The following ERCC6 variants were observed in gnomAD, a reference collection of about 807,000 sequenced individuals.
ERCC6 encodes ERCC excision repair 6, chromatin remodeling factor.
In ERCC6, 116 loss-of-function variants were observed where a neutral mutation model predicts 158.7. The observed-to-expected ratio is 0.73, with a 90% CI of 0.63 to 0.85. The LOEUF (loss-of-function observed/expected upper bound fraction) is 0.85. ERCC6 is among the 40% of genes least tolerant of loss of function. The pLI, the probability that ERCC6 is intolerant of heterozygous loss-of-function variation, is 0.00. For missense variants in ERCC6, 1,698 were observed against 1,799.4 expected (o/e 0.94, Z 1.02); for synonymous variants, 678 against 659.3 (o/e 1.03, Z -0.43).
In ERCC6 at chr10:49,455,068, A is replaced by G. The variant is rs556162071; in HGVS notation, c.*3747T>C. On this transcript the variant is annotated 3_prime_UTR_variant, in exon 21 of 21. Coordinates refer to ENST00000355832, the MANE Select transcript of ERCC6 (RefSeq NM_000124.4). Reference sequence around the variant, plus strand: ...AAAAAATGGAAAGACTGAATTTACTATATTTTAAAACTTCCGTATGATAAA... The same window carrying G: ...AAAAAATGGAAAGACTGAATTTACTGTATTTTAAAACTTCCGTATGATAAA... Among the ~76,000 whole-genome samples the G allele has an allele frequency of 2.0e-5, 3 of 152,324 alleles. No homozygotes were observed. The South Asian group carries it at 6.2e-4, about 32-fold the overall frequency.
chr10:49,473,641 G>A (rs1850822872), intron 13 of ERCC6, 54 bp from the exon 14 acceptor site: 2 of 975,338 alleles, frequency 2.1e-6, no homozygotes, highest in Non-Finnish European at 3.4e-6. Context: ...TTCCCAGTGA[G>A]TGCTTCTCTA....
rs7342125 is a variant in ERCC6 at position 49,492,527 on chromosome 10, C to T, written c.1821+590G>A. Among the ~76,000 whole-genome samples, 20 of 152,274 alleles carry T rather than the reference C, an allele frequency of 1.3e-4. 1 individual carries two copies. The highest frequency in any genetic ancestry group is 4.3e-4 in the African/African-American group (18 of 41,552). ...TGAGAAGAAAAAAGGAAGAATACAA[C>T]GTATCTATGCTACCCACAGGAGCAC... On this transcript the variant is annotated intron_variant, in intron 8 of 20. Transcript: ENST00000355832.
chr10:49,440,257 G>A, the ERCC6 span, among the ~76,000 whole-genome samples: 1 of 152,194 alleles, frequency 6.6e-6, no homozygotes, highest in South Asian at 2.1e-4. Flanking sequence ...CAGAATCATG[G>A]CAGGAGGTGA....
In ERCC6 at chr10:49,524,259, C is replaced by G. The variant is rs778075023; in HGVS notation, c.1171G>C (p.Ala391Pro). The G allele has an allele frequency of 1.2e-6, 2 of 1,614,040 alleles. No individual in the cohort carries two copies. Among genetic ancestry groups the G allele is most frequent in the Admixed American group, 3.3e-5 (2 of 60,006 alleles). Residue 391 changes from alanine (A) to proline (P), a missense_variant, in exon 5 of 21, where the codon GCA becomes CCA. By Grantham distance (27) the Ala-to-Pro change is conservative. Coordinates refer to ENST00000355832, the MANE Select transcript of ERCC6 (RefSeq NM_000124.4). ...EEEEDDEVEGAEADLSGDGTD... is the reference protein window; with the variant it reads ...EEEEDDEVEGPEADLSGDGTD... ...CCATCTCCAGACAGGTCCGCCTCTG[C>G]CCCCTCCACCTCGTCATCTTCCTCC...
At chr10:49,448,861 A>G in the ERCC6 span, among the ~76,000 whole-genome samples, 1 of 152,194 alleles carries the variant, frequency 6.6e-6, no homozygotes, top group Admixed American at 6.5e-5. Flanking sequence ...GATATACTGC[A>G]TTTTAAAATC....
chr10:49,487,143 G>A (rs1851091300), intron 8 of ERCC6, among the ~76,000 whole-genome samples: 1 of 152,118 alleles, frequency 6.6e-6, no homozygotes, highest in Non-Finnish European at 1.5e-5. Context: ...ATTCAACAGA[G>A]TATAAAAGGG....
chr10:49,493,293 C>T, intron 7 of ERCC6, 41 bp from the exon 8 acceptor site: 2 of 1,612,728 alleles, frequency 1.2e-6, no homozygotes, highest in Non-Finnish European at 1.7e-6. Flanking sequence ...CATGAAAGAG[C>T]ATATACAGTC....
intron 7 of ERCC6, among the ~76,000 whole-genome samples, chr10:49,496,084 G>A (rs559331233): frequency 2.6e-5 from 4 of 152,224 alleles, no homozygotes; most frequent in African/African-American, 4.8e-5. Context: ...AGCCTGAACC[G>A]TCTTCCCTTC....
intron 5 of ERCC6, among the ~76,000 whole-genome samples, chr10:49,519,593 T>C (rs1175971691): frequency 1.3e-5 from 2 of 152,146 alleles, no homozygotes; most frequent in Non-Finnish European, 2.9e-5. Flanking sequence ...CACCGCCTAC[T>C]GAAGAGTCCG....
Position 49,454,747 on chromosome 10 carries a change from A to G in ERCC6, c.*4068T>C, listed in dbSNP as rs1590392913. Reference sequence around the variant, plus strand: ...ATACAATTATATCAATATATACCAGAAAAGACTTTGAGGACAATCATTCTA... The same window carrying G: ...ATACAATTATATCAATATATACCAGGAAAGACTTTGAGGACAATCATTCTA... On this transcript the variant is annotated 3_prime_UTR_variant, in exon 21 of 21. Transcript: ENST00000355832. 4.6e-5 allele frequency among the ~76,000 whole-genome samples: 7 copies of G among 152,340 alleles called. No individual in the cohort carries two copies. In the South Asian group the frequency reaches 1.4e-3, roughly 32 times the overall value.
chr10:49,469,150 A>G (rs1268968469), intron 18 of ERCC6, among the ~76,000 whole-genome samples: 1 of 152,262 alleles, frequency 6.6e-6, no homozygotes, highest in Non-Finnish European at 1.5e-5. Flanking sequence ...ACTAGTGGAT[A>G]AAAGTTTGAT....
rs549104003 is a variant in ERCC6, at chr10:49,523,420, A to T, written c.1397+613T>A. 2.0e-5 allele frequency among the ~76,000 whole-genome samples: 3 copies of T among 152,262 alleles called. No homozygotes were observed. In the South Asian group the frequency reaches 6.2e-4, roughly 32 times the overall value. Reference sequence around the variant, plus strand: ...TACAATGACAATGTCATGGAGCTAAAAGCCAAAGTCAGTCTCTAACATAAA... The same window carrying T: ...TACAATGACAATGTCATGGAGCTAATAGCCAAAGTCAGTCTCTAACATAAA... On this transcript the variant is annotated intron_variant, in intron 5 of 20. Coordinates refer to ENST00000355832, the MANE Select transcript of ERCC6 (RefSeq NM_000124.4).
chr10:49,478,496 A>C, intron 10 of ERCC6, 26 bp from the exon 11 acceptor site: 1 of 1,331,564 alleles, frequency 7.5e-7, no homozygotes, highest in East Asian at 2.3e-5. Flanking sequence ...AGAAGGGAAC[A>C]TTACTATATA....
At chr10:49,478,223 G>C (rs1306510155) in intron 11 of ERCC6, 131 bp downstream of exon 11, 1 of 790,424 alleles carries the variant, frequency 1.3e-6, no homozygotes, top group African/African-American at 1.7e-5. Context: ...AGACGCCACA[G>C]CGGGCCTAGC....
intron 1 of ERCC6, among the ~76,000 whole-genome samples, chr10:49,538,739 G>T (rs767626571): frequency 6.6e-6 from 1 of 152,236 alleles, no homozygotes; most frequent in African/African-American, 2.4e-5. Flanking sequence ...GCCGGCCAGG[G>T]ACTCAAGCCG....
chr10:49,512,115 A>C (rs1265698404), intron 5 of ERCC6, among the ~76,000 whole-genome samples: 1 of 152,186 alleles, frequency 6.6e-6, no homozygotes, highest in Non-Finnish European at 1.5e-5. Flanking sequence ...ATGTCAAAAC[A>C]CCTATTGCAG....
chr10:49,525,059 T>G, intron 4 of ERCC6: 1 of 586,384 alleles, frequency 1.7e-6, no homozygotes, highest in Non-Finnish European at 2.7e-6. Flanking sequence ...GGCTTATTAC[T>G]GTATAAATAC....
intron 18 of ERCC6, among the ~76,000 whole-genome samples, chr10:49,467,938 G>A (rs1183913130): frequency 1.3e-5 from 2 of 152,044 alleles, no homozygotes; most frequent in African/African-American, 4.8e-5. Context: ...GTATATTCCT[G>A]TAAACACTCA....
chr10:49,445,242 C>A, the ERCC6 span, among the ~76,000 whole-genome samples: 1 of 152,190 alleles, frequency 6.6e-6, no homozygotes, highest in Admixed American at 6.5e-5. Flanking sequence ...ATATGCTTCA[C>A]ACATGCAAAG....
Sources: gnomAD v4.1 joint callset for allele counts (sites outside exome capture counted in the v4.1 genomes callset) on GRCh38, gnomAD v4.1.1 for gene constraint, MANE v1.5 for transcripts, NCBI Gene and HGNC (gene_info 2026-07-23, HGNC 2026-07-21) for gene names.